CSNK2A1: variants seen among roughly 807,000 people sequenced by gnomAD.
The protein encoded by CSNK2A1 is casein kinase II subunit alpha.
Under a neutral mutation model 62.9 loss-of-function variants are expected in CSNK2A1, and 10 were observed. That is an observed-to-expected ratio of 0.16 (90% CI 0.10 to 0.27). The LOEUF (loss-of-function observed/expected upper bound fraction) is 0.27, where lower values mean the gene tolerates loss of function less well. CSNK2A1 is among the 10% of genes least tolerant of loss of function. The pLI is 1.00. For missense variants in CSNK2A1, 160 were observed against 492.0 expected (o/e 0.33, Z 6.38); for synonymous variants, 124 against 167.8 (o/e 0.74, Z 2.02).
chr20:493,413 T>C (rs1437381280), intron 8 of CSNK2A1, among the ~76,000 whole-genome samples: 1 of 152,088 alleles, frequency 6.6e-6, no homozygotes. Context: ...AATAGTTTAA[T>C]AGTTATTTTA....
chr20:508,568 G>T lies in CSNK2A1; in HGVS notation c.-17C>A. 1.2e-6 allele frequency: 2 copies of T among 1,601,350 alleles called. No individual in the cohort carries two copies. Among genetic ancestry groups the T allele is most frequent in the South Asian group, 2.2e-5 (2 of 90,270 alleles). On this transcript the variant is annotated 5_prime_UTR_variant, in exon 3 of 14. Coordinates refer to ENST00000217244, the MANE Select transcript of CSNK2A1 (RefSeq NM_177559.3). ...TCCCGACATGTCAGACAGGTTGGCG[G>T]ACAAAGCTGGACTTGATGTTTGGAG...
rs1272115526 is a variant in CSNK2A1, at chr20:499,369, C to A, written c.316-64G>T. 7.3e-6 allele frequency: 11 copies of A among 1,515,568 alleles called. No individual in the cohort carries two copies. Among genetic ancestry groups the A allele is most frequent in the Non-Finnish European group, 9.9e-6 (11 of 1,110,950 alleles). 93.9% of individuals were successfully genotyped at this position (1,515,568 alleles called of 1,614,324 possible). A position where few individuals can be genotyped will look rare whatever the true frequency, so the allele number is the denominator to read the frequency against. The stretch of plus-strand genomic sequence containing the variant: ...ATAGCCCTGACAGCTTTAATGGGGA[C>A]AATGTTTGCGGATGCTGCGTGGTGA... On this transcript the variant is annotated intron_variant, in intron 5 of 13. Coordinates refer to ENST00000217244, the MANE Select transcript of CSNK2A1 (RefSeq NM_177559.3). This position sits in a 1 kb window ranked among gnomAD's most constrained non-coding sequence, Gnocchi z 4.2.
rs1009194168 is a variant in CSNK2A1 at position 543,711 on chromosome 20, C to T, written c.-266G>A. On this transcript the variant is annotated 5_prime_UTR_variant, in exon 1 of 14. Transcript: ENST00000217244. ...GCAGCGGCGGCGGCCGCTCTCCCCT[C>T]TGCTCACACAGACAATATGGCGGCG... The T allele has an allele frequency of 7.5e-6, 3 of 398,340 alleles. No individual in the cohort carries two copies. Among genetic ancestry groups the T allele is most frequent in the Middle Eastern group, 6.2e-4 (1 of 1,610 alleles). The allele number at this position is 398,340 out of a possible 1,614,324, so 24.7% of individuals were successfully genotyped here. A position where few individuals can be genotyped will look rare whatever the true frequency, so the allele number is the denominator to read the frequency against.
chr20:510,548 C>CATGTAATAGAA (rs2018697331), intron 2 of CSNK2A1, among the ~76,000 whole-genome samples: 1 of 151,950 alleles, frequency 6.6e-6, no homozygotes, highest in Admixed American at 6.6e-5. Context: ...TATAATCTAC[C>CATGTAATAGAA]CTAAAATGAT....
At chr20:492,162 C>T in intron 9 of CSNK2A1, 92 bp downstream of exon 9, 1 of 1,077,026 alleles carries the variant, frequency 9.3e-7, no homozygotes, top group Non-Finnish European at 1.4e-6. Flanking sequence ...AAGTGGCCTA[C>T]CTAAATGCAC....
At chr20:490,298 A>AT in intron 9 of CSNK2A1, among the ~76,000 whole-genome samples, 1 of 132,630 alleles carries the variant, frequency 7.5e-6, no homozygotes, top group Non-Finnish European at 1.5e-5. Flanking sequence ...AAGTGCTAGG[A>AT]TTACAGGCAT....
chr20:481,483 TC>T lies in CSNK2A1; in HGVS notation c.*2477del, dbSNP rs1156538613. ...AGTTGTTACTCTGTAAACCCTTGCC[TC>T]CCCCCCACCCCCCACCCAATTGGGT... is the stretch of plus-strand genomic sequence containing the variant. On this transcript the variant is annotated 3_prime_UTR_variant, in exon 14 of 14. Transcript: ENST00000217244. The T allele has an allele frequency of 1.3e-4, 10 of 77,776 alleles. No homozygotes were observed. Among genetic ancestry groups the T allele is most frequent in the African/African-American group, 1.9e-4 (4 of 20,544 alleles). The allele number at this position is 77,776 out of a possible 1,614,324, so 4.8% of individuals were successfully genotyped here. A position where few individuals can be genotyped will look rare whatever the true frequency, so the allele number is the denominator to read the frequency against.
chr20:516,817 C>A (rs2018837298), intron 2 of CSNK2A1, among the ~76,000 whole-genome samples: 1 of 152,032 alleles, frequency 6.6e-6, no homozygotes, highest in African/African-American at 2.4e-5. Context: ...ATAATTAGTT[C>A]TTTTTAACCC....
chr20:488,905 G>T, intron 10 of CSNK2A1, 127 bp from the exon 11 acceptor site: 1 of 790,372 alleles, frequency 1.3e-6, no homozygotes, highest in Non-Finnish European at 1.9e-6. Flanking sequence ...CCTCCTAACA[G>T]TTTAGACTTC....
In CSNK2A1 at chr20:503,643, G is replaced by GCATATTTT. The variant is rs147541118; in HGVS notation, c.213+1467_213+1474dup. On this transcript the variant is annotated intron_variant, in intron 4 of 13. Transcript: ENST00000217244. ...GGATTGTGTTATACTCCTCGCGATG[G>GCATATTTT]CATATTTTTGTGAAGCTGGGTTTGC... The GCATATTTT allele has an allele frequency of 9.9e-3, 3,953 of 398,514 alleles. 23 individuals carry two copies. The highest frequency in any genetic ancestry group is 0.014 in the Non-Finnish European group (3,138 of 226,024). 24.7% of individuals were successfully genotyped at this position (398,514 alleles called of 1,614,324 possible).
chr20:543,552 A>C (rs1210027352), intron 1 of CSNK2A1, 120 bp downstream of exon 1: 1 of 395,048 alleles, frequency 2.5e-6, no homozygotes, highest in African/African-American at 2.1e-5. Context: ...AGGTGGGGGC[A>C]GGGGAAGGCG....
At position 531,992 on chromosome 20, in the gene CSNK2A1, T is replaced by G. The variant is rs1414982937; in HGVS notation, c.-226-3943A>C. On this transcript the variant is annotated intron_variant, in intron 1 of 13. Transcript: ENST00000217244. ...AGTCTTGTATTTTAAAGCATATCCT[T>G]TGAATCATGTGTCCAAAGAGAATTA... 2.0e-5 allele frequency among the ~76,000 whole-genome samples: 3 copies of G among 152,182 alleles called. No homozygotes were observed. The East Asian group carries it at 5.8e-4, about 29-fold the overall frequency.
chr20:487,703 T>A, intron 11 of CSNK2A1, 128 bp from the exon 12 acceptor site: 2 of 1,295,424 alleles, frequency 1.5e-6, no homozygotes, highest in Non-Finnish European at 2.1e-6. Context: ...CTCAAGAGGG[T>A]AGTCTTGCAC....
At chr20:516,709 T>C (rs2018835321) in intron 2 of CSNK2A1, among the ~76,000 whole-genome samples, 1 of 152,236 alleles carries the variant, frequency 6.6e-6, no homozygotes, top group South Asian at 2.1e-4. Context: ...ACAAGTTTGC[T>C]TAGTCATTTC....
rs2018179692 is a variant in CSNK2A1 at position 489,867 on chromosome 20, A to T, written c.636T>A (p.Ser212Arg). 1 of 1,611,882 alleles carries T rather than the reference A, an allele frequency of 6.2e-7. No homozygotes were observed. Among genetic ancestry groups the T allele is most frequent in the Admixed American group, 1.7e-5 (1 of 59,968 alleles). Residue 212 changes from serine (S) to arginine (R), a missense_variant, in exon 10 of 14, where the codon AGT (serine) becomes AGA (arginine). By Grantham distance (110) the Ser-to-Arg change is moderately radical. Transcript: ENST00000217244. ...TACAACCCAAACTCCACATATCCAA[A>T]CTATAATCGTACATCTGCATAAAAG... is the stretch of plus-strand genomic sequence containing the variant. ...LLVDYQMYDYSLDMWSLGCML... is the reference protein window; with the variant it reads ...LLVDYQMYDYRLDMWSLGCML...
chr20:485,023 G>A (rs1340781481), intron 13 of CSNK2A1, among the ~76,000 whole-genome samples: 1 of 121,896 alleles, frequency 8.2e-6, no homozygotes, highest in Admixed American at 9.7e-5. Context: ...CTGAGATTGT[G>A]CCACTGCACT....
At chr20:490,343 T>C (rs1344559304) in intron 9 of CSNK2A1, among the ~76,000 whole-genome samples, 79 of 138,132 alleles carry the variant, frequency 5.7e-4, no homozygotes, top group African/African-American at 2.4e-3. Context: ...TTCTTTTTTT[T>C]TTTTTTTTAG....
rs1281030605 is a variant in CSNK2A1, at chr20:478,114, C to G, written c.*5847G>C. The G allele has an allele frequency of 6.6e-6, 1 of 152,158 alleles. No individual in the cohort carries two copies. The highest frequency in any genetic ancestry group is 2.4e-5 in the African/African-American group (1 of 41,402). The allele number at this position is 152,158 out of a possible 1,614,324, so 9.4% of individuals were successfully genotyped here. Reference sequence around the variant, plus strand: ...CCCCATGGGCTTGTGTCTCACCTCTCAATCCCCAGTGTATAGCAAAGACCA... The same window carrying G: ...CCCCATGGGCTTGTGTCTCACCTCTGAATCCCCAGTGTATAGCAAAGACCA... On this transcript the variant is annotated 3_prime_UTR_variant, in exon 14 of 14. Coordinates refer to ENST00000217244, the MANE Select transcript of CSNK2A1 (RefSeq NM_177559.3).
At chr20:524,708 C>CA (rs56228720) in intron 2 of CSNK2A1, among the ~76,000 whole-genome samples, 1,682 of 82,926 alleles carry the variant, frequency 0.02, 40 homozygotes, top group African/African-American at 0.041. Context: ...GACTCCATCT[C>CA]AAAAAAAAAA....
Sources: allele counts gnomAD v4.1 joint callset (sites outside exome capture counted in the v4.1 genomes callset), GRCh38; gene constraint gnomAD v4.1.1; non-coding constraint Gnocchi (gnomAD v3.1); transcripts MANE v1.5; gene names NCBI Gene and HGNC (gene_info 2026-07-23, HGNC 2026-07-21).